CADM1: variants seen among roughly 807,000 people sequenced by gnomAD.
The protein encoded by CADM1 is TSLC-1.
A neutral mutation model predicts 53.1 loss-of-function variants in CADM1; 15 were observed. That is an observed-to-expected ratio of 0.28 (90% CI 0.19 to 0.44). The LOEUF is 0.44. Ranked by LOEUF, CADM1 falls within the 20% of genes least tolerant of loss-of-function variation. The pLI is 1.00. For missense variants in CADM1, 434 were observed against 611.3 expected (o/e 0.71, Z 3.06); for synonymous variants, 281 against 243.0 (o/e 1.16, Z -1.45).
At chr11:115,325,996 T>A (rs1944950004) in intron 1 of CADM1, among the ~76,000 whole-genome samples, 1 of 152,180 alleles carries the variant, frequency 6.6e-6, no homozygotes. Context: ...TTTCAAGGGT[T>A]ACATTTAAAA....
intron 7 of CADM1, among the ~76,000 whole-genome samples, chr11:115,211,680 G>A (rs1317977854): frequency 6.1e-5 from 9 of 148,680 alleles, no homozygotes; most frequent in Admixed American, 4.0e-4. Context: ...TAGTAGAGAC[G>A]GGGTTTCACC....
chr11:115,491,964 G>A (rs978480110), intron 1 of CADM1, among the ~76,000 whole-genome samples: 8 of 152,200 alleles, frequency 5.3e-5, no homozygotes, highest in Non-Finnish European at 1.0e-4. Context: ...GGGGCAGGGG[G>A]AGGGATAGCA....
At chr11:115,314,586 G>A (rs974361346) in intron 1 of CADM1, among the ~76,000 whole-genome samples, 7 of 152,116 alleles carry the variant, frequency 4.6e-5, no homozygotes, top group African/African-American at 1.4e-4. Context: ...GTTTGTATAT[G>A]AAAGATTTAT....
chr11:115,464,786 T>G (rs1948863910), intron 1 of CADM1, among the ~76,000 whole-genome samples: 1 of 152,194 alleles, frequency 6.6e-6, no homozygotes, highest in African/African-American at 2.4e-5. Flanking sequence ...CTCAACCACA[T>G]AGGCCAAATT....
intron 1 of CADM1, among the ~76,000 whole-genome samples, chr11:115,344,016 C>T (rs1338159484): frequency 9.2e-5 from 14 of 152,122 alleles, no homozygotes; most frequent in Admixed American, 9.2e-4. Flanking sequence ...TATCGTGGAG[C>T]TTTGTTAAAA....
chr11:115,405,518 A>C (rs1947291023), intron 1 of CADM1, among the ~76,000 whole-genome samples: 1 of 152,238 alleles, frequency 6.6e-6, no homozygotes, highest in East Asian at 1.9e-4. Context: ...ACAGAAAGAC[A>C]CATATAAGAA....
chr11:115,410,691 A>G (rs1479531525), intron 1 of CADM1, among the ~76,000 whole-genome samples: 1 of 152,240 alleles, frequency 6.6e-6, no homozygotes, highest in Non-Finnish European at 1.5e-5. Flanking sequence ...AACCAAACAC[A>G]TAAGAGACAG....
chr11:115,217,783 C>T, intron 6 of CADM1, 109 bp downstream of exon 6: 2 of 772,700 alleles, frequency 2.6e-6, no homozygotes, highest in Admixed American at 3.5e-5. Context: ...AACCATCCAT[C>T]CTTTGCAGCA....
At chr11:115,282,967 C>T (rs1253825531) in intron 1 of CADM1, among the ~76,000 whole-genome samples, 1 of 151,990 alleles carries the variant, frequency 6.6e-6, no homozygotes, top group Non-Finnish European at 1.5e-5. Flanking sequence ...GGCAAATGGC[C>T]CCATGAATCC....
At chr11:115,349,490 A>C (rs1241478025) in intron 1 of CADM1, among the ~76,000 whole-genome samples, 2 of 152,206 alleles carry the variant, frequency 1.3e-5, no homozygotes, top group African/African-American at 2.4e-5. Context: ...CTGTCAGGAA[A>C]TAATAATTAG....
intron 1 of CADM1, among the ~76,000 whole-genome samples, chr11:115,408,556 G>A (rs912055312): frequency 6.6e-6 from 1 of 152,176 alleles, no homozygotes; most frequent in African/African-American, 2.4e-5. Flanking sequence ...GACATAGGAA[G>A]GATATGCCCC....
At chr11:115,305,208 GA>G (rs1436186255) in intron 1 of CADM1, among the ~76,000 whole-genome samples, 1 of 151,860 alleles carries the variant, frequency 6.6e-6, no homozygotes, top group East Asian at 1.9e-4. Context: ...TGTTGAGATA[GA>G]AAAAAATTAG....
chr11:115,483,556 AGAG>A (rs1486391504), intron 1 of CADM1, among the ~76,000 whole-genome samples: 4 of 152,350 alleles, frequency 2.6e-5, no homozygotes, highest in Admixed American at 6.5e-5. Context: ...ATGAAAAGCA[AGAG>A]GAGAGTCAAG....
At chr11:115,198,551 G>A in intron 8 of CADM1, 113 bp from the exon 9 acceptor site, 1 of 769,718 alleles carries the variant, frequency 1.3e-6, no homozygotes, top group Non-Finnish European at 2.2e-6. Flanking sequence ...AGCTTTCAAA[G>A]AACATCGCGT....
intron 3 of CADM1, among the ~76,000 whole-genome samples, chr11:115,233,296 A>G (rs1404022338): frequency 6.6e-6 from 1 of 152,200 alleles, no homozygotes; most frequent in African/African-American, 2.4e-5. Context: ...CCTAGTCTAC[A>G]TTTTAAGAAA....
In CADM1 at chr11:115,478,267, C is replaced by A. The variant is rs144554956; in HGVS notation, c.124+26004G>T. Among the ~76,000 whole-genome samples the A allele has an allele frequency of 4.4e-3, 664 of 151,990 alleles. 7 individuals carry two copies. Among genetic ancestry groups the A allele is most frequent in the Middle Eastern group, 0.01 (3 of 294 alleles). ...AAACAAAAGACAAAGTCCATCAAAG[C>A]ATACTCAATAGCAACTAAAATGTAA... On this transcript the variant is annotated intron_variant, in intron 1 of 11. Coordinates refer to ENST00000331581, the MANE Select transcript of CADM1 (RefSeq NM_001301043.2).
chr11:115,275,200 C>A (rs1162502140), intron 1 of CADM1, among the ~76,000 whole-genome samples: 1 of 152,192 alleles, frequency 6.6e-6, no homozygotes, highest in African/African-American at 2.4e-5. Flanking sequence ...TTTCTCTATG[C>A]CTACCTCCTC....
At chr11:115,419,527 AATTACAATTATCAG>A in intron 1 of CADM1, among the ~76,000 whole-genome samples, 1 of 152,158 alleles carries the variant, frequency 6.6e-6, no homozygotes, top group Non-Finnish European at 1.5e-5. Context: ...AATTATTACA[AATTACAATTATCAG>A]ATATTTCCAG....
intron 1 of CADM1, among the ~76,000 whole-genome samples, chr11:115,393,319 A>C (rs7129542): frequency 0.33 from 49,433 of 151,204 alleles, 9,215 homozygotes; most frequent in Non-Finnish European, 0.43. Context: ...TTATAGCTGA[A>C]TTTTATCCTC....
Sources: gnomAD v4.1 joint callset for allele counts (sites outside exome capture counted in the v4.1 genomes callset) on GRCh38, gnomAD v4.1.1 for gene constraint, MANE v1.5 for transcripts, NCBI Gene and HGNC (gene_info 2026-07-23, HGNC 2026-07-21) for gene names.